Variants in NRXN3 observed in about 807,000 individuals in gnomAD.
NRXN3 encodes neurexin 3.
In NRXN3, 32 loss-of-function variants were observed where a neutral mutation model predicts 137.6. The observed-to-expected ratio is 0.23, with a 90% CI of 0.18 to 0.31. The LOEUF (loss-of-function observed/expected upper bound fraction) is 0.31. Ranked by LOEUF, NRXN3 falls within the 10% of genes least tolerant of loss-of-function variation. The pLI, the probability that NRXN3 is intolerant of heterozygous loss-of-function variation, is 1.00. For synonymous variants in NRXN3, 798 were observed against 784.5 expected, an observed-to-expected ratio of 1.02 and a Z score of -0.29; for missense variants, 1,574 against 2,062.5, an observed-to-expected ratio of 0.76 and a Z score of 4.59.
intron 15 of NRXN3, among the ~76,000 whole-genome samples, chr14:79,261,601 CTGTG>C (rs5809932): frequency 0.025 from 1,495 of 59,142 alleles, 39 homozygotes; most frequent in African/African-American, 0.068. Flanking sequence ...AAGAAAGGTG[CTGTG>C]TGTGTGTGTG....
intron 1 of NRXN3, among the ~76,000 whole-genome samples, chr14:78,202,037 A>G (rs1186100329): frequency 6.6e-6 from 1 of 152,186 alleles, no homozygotes; most frequent in East Asian, 1.9e-4. Flanking sequence ...TGGCTGGTTC[A>G]GGTGCAGCCC....
At chr14:79,031,173 G>T (rs367647397) in intron 15 of NRXN3, among the ~76,000 whole-genome samples, 3 of 152,180 alleles carry the variant, frequency 2.0e-5, no homozygotes, top group African/African-American at 4.8e-5. Flanking sequence ...GGAGGTCAGG[G>T]AATGGACTTT....
chr14:78,597,181 G>A (rs1266773383), intron 4 of NRXN3, among the ~76,000 whole-genome samples: 1 of 152,178 alleles, frequency 6.6e-6, no homozygotes, highest in African/African-American at 2.4e-5. Context: ...TGAGAAGCTG[G>A]AATAAATGCA....
chr14:78,645,916 A>T (rs2097682718), intron 5 of NRXN3, among the ~76,000 whole-genome samples: 2 of 151,812 alleles, frequency 1.3e-5, no homozygotes, highest in South Asian at 4.2e-4. Context: ...TTAATTTACT[A>T]CCCTTTCCCA....
intron 15 of NRXN3, among the ~76,000 whole-genome samples, chr14:79,123,937 T>C (rs1252394577): frequency 6.6e-6 from 1 of 152,194 alleles, no homozygotes; most frequent in Non-Finnish European, 1.5e-5. Context: ...TTTAACCATT[T>C]CTAAGTTGTA....
At chr14:79,022,722 TTC>T (rs2099591692) in intron 15 of NRXN3, among the ~76,000 whole-genome samples, 1 of 152,164 alleles carries the variant, frequency 6.6e-6, no homozygotes, top group African/African-American at 2.4e-5. Flanking sequence ...TGATGGATGC[TTC>T]TCTCTCTTCT....
At chr14:79,540,903 A>T (rs1045483424) in intron 16 of NRXN3, among the ~76,000 whole-genome samples, 3 of 150,858 alleles carry the variant, frequency 2.0e-5, no homozygotes, top group African/African-American at 7.3e-5. Flanking sequence ...TCAAACAAAG[A>T]TTTTTTTTTT....
At position 78,711,432 on chromosome 14, in the gene NRXN3, C is replaced by CTTTTTT. The variant is rs1254367279; in HGVS notation, c.1660+1778_1660+1779insTTTTTT. 1.4e-3 allele frequency among the ~76,000 whole-genome samples: 140 copies of CTTTTTT among 103,144 alleles called. 2 individuals carry two copies. Among genetic ancestry groups the CTTTTTT allele is most frequent in the African/African-American group, 2.7e-3 (72 of 26,782 alleles). 67.7% of individuals were successfully genotyped at this position (103,144 alleles called of 152,430 possible). Reference sequence around the variant, plus strand: ...AGCTAAAGCACTGGCTAATTCTTTTCTCTTTTTTTTTTTTTTTTTTTTTTT... The same window carrying CTTTTTT: ...AGCTAAAGCACTGGCTAATTCTTTTCTTTTTTTCTTTTTTTTTTTTTTTTTTTTTTT... On this transcript the variant is annotated intron_variant, in intron 7 of 20. Transcript: ENST00000335750.
intron 15 of NRXN3, among the ~76,000 whole-genome samples, chr14:79,116,939 T>C (rs923406916): frequency 6.6e-6 from 1 of 152,222 alleles, no homozygotes; most frequent in Non-Finnish European, 1.5e-5. Flanking sequence ...TTCTGCAACT[T>C]TCATCTCACC....
chr14:78,420,921 A>G (rs532843231), intron 4 of NRXN3, among the ~76,000 whole-genome samples: 1 of 152,296 alleles, frequency 6.6e-6, no homozygotes, highest in East Asian at 1.9e-4. Context: ...GCAAAGGCTC[A>G]ATGTAGGGAA....
At chr14:78,729,640 C>T (rs186040044) in intron 8 of NRXN3, among the ~76,000 whole-genome samples, 1 of 152,228 alleles carries the variant, frequency 6.6e-6, no homozygotes, top group Admixed American at 6.5e-5. Flanking sequence ...ATAATTTATC[C>T]AGGGCTGCAA....
chr14:79,253,443 C>T (rs1422370123), intron 15 of NRXN3, among the ~76,000 whole-genome samples: 1 of 152,160 alleles, frequency 6.6e-6, no homozygotes, highest in African/African-American at 2.4e-5. Context: ...CACCCAAAAA[C>T]TTTTACAGAA....
intron 4 of NRXN3, among the ~76,000 whole-genome samples, chr14:78,588,999 G>A (rs1374712679): frequency 6.6e-6 from 1 of 152,216 alleles, no homozygotes; most frequent in Admixed American, 6.5e-5. Flanking sequence ...ACAATAGTAT[G>A]TGTAATGTGG....
At chr14:78,436,603 T>A (rs1304449767) in intron 4 of NRXN3, among the ~76,000 whole-genome samples, 1 of 152,270 alleles carries the variant, frequency 6.6e-6, no homozygotes, top group Non-Finnish European at 1.5e-5. Flanking sequence ...ACCACCCACA[T>A]GTGCTATTGA....
intron 4 of NRXN3, among the ~76,000 whole-genome samples, chr14:78,529,646 A>T (rs891033474): frequency 2.6e-5 from 4 of 152,122 alleles, no homozygotes; most frequent in African/African-American, 9.7e-5. Flanking sequence ...TCCTTCCCTC[A>T]GTTATCTATT....
At chr14:79,504,181 C>T (rs1167058205) in intron 16 of NRXN3, among the ~76,000 whole-genome samples, 5 of 152,118 alleles carry the variant, frequency 3.3e-5, no homozygotes, top group Non-Finnish European at 7.4e-5. Flanking sequence ...AGATGAAGAC[C>T]AAACCTCTAC....
chr14:79,682,954 C>T (rs2098677981), intron 17 of NRXN3, among the ~76,000 whole-genome samples: 1 of 152,148 alleles, frequency 6.6e-6, no homozygotes, highest in Non-Finnish European at 1.5e-5. Context: ...TTCCTTCAGA[C>T]TATGATGACC....
At chr14:79,773,811 A>C (rs2099087762) in intron 19 of NRXN3, among the ~76,000 whole-genome samples, 1 of 148,366 alleles carries the variant, frequency 6.7e-6, no homozygotes, top group African/African-American at 2.5e-5. Context: ...AATAAAAATA[A>C]AAAATAAAAA....
chr14:79,759,428 G>C (rs1223506859), intron 19 of NRXN3, among the ~76,000 whole-genome samples: 1 of 151,196 alleles, frequency 6.6e-6, no homozygotes, highest in Non-Finnish European at 1.5e-5. Flanking sequence ...TTGGTCCTAG[G>C]AGTATTCAGA....
Sources: gnomAD v4.1 joint callset for allele counts (sites outside exome capture counted in the v4.1 genomes callset) on GRCh38, gnomAD v4.1.1 for gene constraint, MANE v1.5 for transcripts, NCBI Gene and HGNC (gene_info 2026-07-23, HGNC 2026-07-21) for gene names.